Variants in SEMA5A observed in about 807,000 individuals in gnomAD.
The protein encoded by SEMA5A is semaphorin-5A.
Under a neutral mutation model 135.5 loss-of-function variants are expected in SEMA5A, and 55 were observed. The ratio of observed to expected loss-of-function variants is 0.41; its 90% CI spans 0.33 to 0.51. The LOEUF is 0.51. Among genes scored for constraint, SEMA5A ranks in the 20% least tolerant of loss-of-function variants. SEMA5A has a pLI of 0.37. For synonymous variants in SEMA5A, 580 were observed against 546.5 expected (o/e 1.06, Z -0.85); for missense variants, 1,290 against 1,419.9 (o/e 0.91, Z 1.47).
chr5:9,045,198 A>G (rs566380140), intron 21 of SEMA5A, among the ~76,000 whole-genome samples: 37 of 152,210 alleles, frequency 2.4e-4, no homozygotes, highest in Non-Finnish European at 4.9e-4. Context: ...GGTTTGCACA[A>G]CAGTGTTCTG....
chr5:9,466,538 T>G (rs532606310), intron 1 of SEMA5A, among the ~76,000 whole-genome samples: 2 of 152,036 alleles, frequency 1.3e-5, no homozygotes, highest in South Asian at 2.1e-4. Flanking sequence ...AGAGAGGGGG[T>G]TTGAAAAACA....
intron 2 of SEMA5A, among the ~76,000 whole-genome samples, chr5:9,392,052 A>G (rs1486914878): frequency 6.6e-6 from 1 of 152,102 alleles, no homozygotes. Flanking sequence ...CACCTTGCAG[A>G]TGGCGCTTGC....
intron 2 of SEMA5A, among the ~76,000 whole-genome samples, chr5:9,412,591 AT>A (rs201599831): frequency 0.091 from 10,055 of 110,298 alleles, 546 homozygotes; most frequent in African/African-American, 0.21. Flanking sequence ...CAGATTTTGC[AT>A]TTTTTTTTTT....
intron 17 of SEMA5A, among the ~76,000 whole-genome samples, chr5:9,063,662 G>A (rs1005350742): frequency 7.9e-5 from 12 of 152,326 alleles, no homozygotes; most frequent in Non-Finnish European, 1.5e-4. Flanking sequence ...TGGAACTCAT[G>A]CCCTAGAACT....
chr5:9,220,920 G>A (rs977483705), intron 8 of SEMA5A, among the ~76,000 whole-genome samples: 4 of 152,186 alleles, frequency 2.6e-5, no homozygotes, highest in African/African-American at 9.6e-5. Context: ...ATTGCCTGAA[G>A]ATGGGAGTTT....
intron 1 of SEMA5A, among the ~76,000 whole-genome samples, chr5:9,542,867 T>A (rs150315559): frequency 6.6e-6 from 1 of 152,314 alleles, no homozygotes; most frequent in African/African-American, 2.4e-5. Context: ...TTGATATTAG[T>A]TAACTCTAGG....
chr5:9,383,558 T>A (rs768713435), intron 2 of SEMA5A, among the ~76,000 whole-genome samples: 19 of 152,132 alleles, frequency 1.2e-4, no homozygotes, highest in Non-Finnish European at 5.9e-5. Flanking sequence ...CAATGATAAG[T>A]CCACTGTCAC....
chr5:9,514,388 A>T (rs955520133), intron 1 of SEMA5A, among the ~76,000 whole-genome samples: 5 of 152,180 alleles, frequency 3.3e-5, no homozygotes, highest in Non-Finnish European at 7.4e-5. Context: ...GGAGTGGACT[A>T]TCACACCCTC....
intron 9 of SEMA5A, 139 bp downstream of exon 9, chr5:9,201,816 C>T: frequency 1.3e-6 from 1 of 762,744 alleles, no homozygotes; most frequent in Non-Finnish European, 2.1e-6. Context: ...ACTGAAAAGT[C>T]CTCTTTTTTT....
At chr5:9,137,985 G>A (rs1579462188) in intron 12 of SEMA5A, among the ~76,000 whole-genome samples, 2 of 152,152 alleles carry the variant, frequency 1.3e-5, no homozygotes, top group African/African-American at 4.8e-5. Context: ...TTTGAAGGCT[G>A]TACAGCTAGG....
intron 2 of SEMA5A, among the ~76,000 whole-genome samples, chr5:9,397,220 C>T (rs1756446162): frequency 6.6e-6 from 1 of 152,194 alleles, no homozygotes; most frequent in Non-Finnish European, 1.5e-5. Context: ...ATATACACAT[C>T]CACACAGCTG....
chr5:9,203,646 A>G (rs556687732), intron 8 of SEMA5A, among the ~76,000 whole-genome samples: 1 of 152,344 alleles, frequency 6.6e-6, no homozygotes, highest in Non-Finnish European at 1.5e-5. Context: ...ATCCAACTTT[A>G]CATTTTAAAA....
rs544427149 is a variant in SEMA5A, at chr5:9,073,297, G to A, written c.2074-6651C>T. The stretch of plus-strand genomic sequence containing the variant: ...GCTTTCATGTCATCAATGAAAGACT[G>A]GGTTATCATTTGAAATTCAATTAAC... On this transcript the variant is annotated intron_variant, in intron 16 of 22. Coordinates refer to ENST00000382496, the MANE Select transcript of SEMA5A (RefSeq NM_003966.3). Among the ~76,000 whole-genome samples the A allele has an allele frequency of 7.2e-5, 11 of 152,184 alleles. No homozygotes were observed. In the South Asian group the frequency reaches 2.3e-3, roughly 32 times the overall value.
At chr5:9,327,856 T>C (rs1473243508) in intron 4 of SEMA5A, among the ~76,000 whole-genome samples, 2 of 152,194 alleles carry the variant, frequency 1.3e-5, no homozygotes, top group African/African-American at 4.8e-5. Context: ...GTGGGTCCTC[T>C]GGGTATCTGA....
chr5:9,322,452 C>T (rs1387575328), intron 4 of SEMA5A, among the ~76,000 whole-genome samples: 2 of 152,120 alleles, frequency 1.3e-5, no homozygotes, highest in Non-Finnish European at 2.9e-5. Context: ...AGCACCAGCA[C>T]CATCACCATC....
Position 9,063,052 on chromosome 5 carries a change from C to T in SEMA5A, c.2353G>A (p.Gly785Arg), listed in dbSNP as rs771779670. ...CACGACGTCCAGGCTGACCAAGCCC[C>T]GTTGACCGTGTGGGCAGAGTATCTC... Reference protein sequence around the residue: ...AGRYSAHTVNGAWSAWTSWSQ... With the variant: ...AGRYSAHTVNRAWSAWTSWSQ... Residue 785 changes from glycine (G) to arginine (R), a missense_variant, in exon 18 of 23, where the codon GGG becomes AGG. Gly to Arg is a moderately radical substitution (Grantham distance 125, BLOSUM62 -2). This residue lies in a region of SEMA5A where 1,029 missense variants were observed against 1,086.6 expected (regional missense o/e 0.95). Coordinates refer to ENST00000382496, the MANE Select transcript of SEMA5A (RefSeq NM_003966.3). 2.0e-5 allele frequency: 32 copies of T among 1,614,076 alleles called. No individual in the cohort carries two copies. Among genetic ancestry groups the T allele is most frequent in the Admixed American group, 6.7e-5 (4 of 60,004 alleles).
At chr5:9,520,860 TAAG>T (rs1480405324) in intron 1 of SEMA5A, among the ~76,000 whole-genome samples, 1 of 151,976 alleles carries the variant, frequency 6.6e-6, no homozygotes, top group Non-Finnish European at 1.5e-5. Context: ...AAGAGAAGCC[TAAG>T]GAGACAGGCA....
intron 2 of SEMA5A, among the ~76,000 whole-genome samples, chr5:9,436,471 A>T (rs1304031764): frequency 6.6e-6 from 1 of 152,154 alleles, no homozygotes; most frequent in Admixed American, 6.5e-5. Context: ...AGCTGAGCAC[A>T]TCTACACATC....
chr5:9,419,464 C>T (rs1485150454), intron 2 of SEMA5A, among the ~76,000 whole-genome samples: 1 of 152,128 alleles, frequency 6.6e-6, no homozygotes, highest in Non-Finnish European at 1.5e-5. Flanking sequence ...GTTCAATGGT[C>T]ATGGTCAGTG....
Sources: allele counts gnomAD v4.1 joint callset (sites outside exome capture counted in the v4.1 genomes callset), GRCh38; gene constraint gnomAD v4.1.1; regional missense constraint gnomAD v4.1.1; transcripts MANE v1.5; gene names NCBI Gene and HGNC (gene_info 2026-07-23, HGNC 2026-07-21).